Variants in BAHD1 observed in about 807,000 individuals in gnomAD.
BAHD1 encodes the protein bromo adjacent homology domain-containing 1 protein.
In BAHD1, 20 loss-of-function variants were observed where a neutral mutation model predicts 63.1. That is an observed-to-expected ratio of 0.32 (90% CI 0.22 to 0.46). The LOEUF (loss-of-function observed/expected upper bound fraction) is 0.46. Ranked by LOEUF, BAHD1 falls within the 20% of genes least tolerant of loss-of-function variation. The probability of loss-of-function intolerance (pLI) is 1.00; values close to 1 mark genes in which losing one functional copy is unlikely to be tolerated. For synonymous variants in BAHD1, 408 were observed against 426.8 expected (o/e 0.96, Z 0.54); for missense variants, 939 against 1,071.8 (o/e 0.88, Z 1.73).
intron 5 of BAHD1, 148 bp from the exon 6 acceptor site, chr15:40,465,187 G>A: frequency 1.5e-6 from 1 of 663,698 alleles, no homozygotes; most frequent in Non-Finnish European, 2.7e-6. Context: ...GGAGGCAGTA[G>A]GTGAGGCATA....
chr15:40,456,809 G>T (rs150993986), intron 1 of BAHD1, among the ~76,000 whole-genome samples: 1 of 152,244 alleles, frequency 6.6e-6, no homozygotes, highest in Non-Finnish European at 1.5e-5. Flanking sequence ...ACCTGGGCCC[G>T]CTGGGTGGGG....
At chr15:40,464,869 G>T (rs1261455435) in intron 5 of BAHD1, 4 of 422,740 alleles carry the variant, frequency 9.5e-6, no homozygotes, top group Non-Finnish European at 1.3e-5. Flanking sequence ...TGCATACCTG[G>T]TCACTTTTGG....
Position 40,461,261 on chromosome 15 carries a change from G to T in BAHD1, c.1433-651G>T, listed in dbSNP as rs573063306. Among the ~76,000 whole-genome samples, 3 of 152,270 alleles carry T rather than the reference G, an allele frequency of 2.0e-5. No homozygotes were observed. The East Asian group carries it at 5.8e-4, about 29-fold the overall frequency. On this transcript the variant is annotated intron_variant, in intron 2 of 6. Transcript: ENST00000416165. ...GTTGCTCTGAGGGGCAGAGTGACTT[G>T]CCTGAAGTCACATGGCTAGTAAGTG... is the stretch of plus-strand genomic sequence containing the variant.
In BAHD1 at chr15:40,465,982, G is replaced by C. The variant is rs775300992; in HGVS notation, c.2195G>C (p.Ser732Thr). The C allele has an allele frequency of 2.8e-5, 45 of 1,608,416 alleles. No homozygotes were observed. Among genetic ancestry groups the C allele is most frequent in the Non-Finnish European group, 3.6e-5 (42 of 1,177,444 alleles). ...AAGCGCCGAGGTGAAGGCCTCCCCA[G>C]CCGAAAGACAGCACTGGTTCCCCCC... Reference protein sequence around the residue: ...MAKRRGEGLPSRKTALVPPSA... With the variant: ...MAKRRGEGLPTRKTALVPPSA... The change falls in exon 7 of 7, where the codon AGC becomes ACC. Residue 732 changes from serine (S) to threonine (T), a missense_variant. By Grantham distance (58) the Ser-to-Thr change is moderately conservative. Coordinates refer to ENST00000416165, the MANE Select transcript of BAHD1 (RefSeq NM_014952.5).
chr15:40,455,243 T>A (rs919055724), intron 1 of BAHD1, among the ~76,000 whole-genome samples: 1 of 152,138 alleles, frequency 6.6e-6, no homozygotes, highest in Admixed American at 6.5e-5. Flanking sequence ...GATTTGGAAA[T>A]GTGACTCGCA....
At position 40,462,261 on chromosome 15, in the gene BAHD1, TG is replaced by T; in HGVS notation, c.1786del (p.Ala596LeufsTer24). The T allele has an allele frequency of 6.2e-7, 1 of 1,610,050 alleles. No homozygotes were observed. Among genetic ancestry groups the T allele is most frequent in the Non-Finnish European group, 8.5e-7 (1 of 1,178,024 alleles). On this transcript the variant is annotated frameshift_variant, in exon 3 of 7. Coordinates refer to ENST00000416165, the MANE Select transcript of BAHD1 (RefSeq NM_014952.5). LOFTEE classifies it high-confidence loss of function. Reference sequence around the variant, plus strand: ...GCCGCACTAATGGCTGGGTACCTGTTGGGGCTGCGTGTGAGAAGGCTGTGTA... The same window carrying T: ...GCCGCACTAATGGCTGGGTACCTGTTGGGCTGCGTGTGAGAAGGCTGTGTA... Reference protein sequence around the residue: ...RRRTNGWVPVGAACEKAVYVL... With the variant: ...RRRTNGWVPVXAACEKAVYVL...
rs1438666811 is a variant in BAHD1, at chr15:40,462,138, C to T, written c.1659C>T (p.Ser553=). The change falls in exon 3 of 7, where the codon TCC becomes TCT. Residue 553 remains serine, a synonymous_variant. Coordinates refer to ENST00000416165, the MANE Select transcript of BAHD1 (RefSeq NM_014952.5). Reference sequence around the variant, plus strand: ...CTAAGTCAGGTCTGCGCACAGGCTCCAGCTGCAGGCACACTGCAAGGAGCA... The same window carrying T: ...CTAAGTCAGGTCTGCGCACAGGCTCTAGCTGCAGGCACACTGCAAGGAGCA... ...SGSKSGLRTG[S]SCRHTARSKA... The T allele has an allele frequency of 6.2e-7, 1 of 1,612,204 alleles. No individual in the cohort carries two copies. Among genetic ancestry groups the T allele is most frequent in the Non-Finnish European group, 8.5e-7 (1 of 1,179,996 alleles).
chr15:40,462,968 TTTTAAAATTA>T (rs1396265433), intron 3 of BAHD1, among the ~76,000 whole-genome samples: 1 of 152,114 alleles, frequency 6.6e-6, no homozygotes, highest in Non-Finnish European at 1.5e-5. Context: ...AGACCCTGGC[TTTTAAAATTA>T]ATTAATTAAA....
intron 1 of BAHD1, among the ~76,000 whole-genome samples, chr15:40,457,244 G>A (rs1893875619): frequency 6.6e-6 from 1 of 152,166 alleles, no homozygotes; most frequent in African/African-American, 2.4e-5. Flanking sequence ...GGCCTTCAGG[G>A]GTTTAAAGCT....
chr15:40,459,346 G>T lies in BAHD1; in HGVS notation c.882G>T (p.Gln294His). The T allele has an allele frequency of 6.2e-7, 1 of 1,613,148 alleles. No individual in the cohort carries two copies. Among genetic ancestry groups the T allele is most frequent in the East Asian group, 2.2e-5 (1 of 44,872 alleles). ...PSATPCGPSV[Q>H]PSHQPLSKAL... ...CAACTCCTTGTGGGCCATCCGTCCA[G>T]CCATCTCATCAGCCCCTGAGCAAGG... The change falls in exon 2 of 7, where the codon CAG (glutamine) becomes CAT (histidine). Residue 294 changes from glutamine (Q) to histidine (H), a missense_variant. Physicochemically the swap from Gln to His is conservative, Grantham distance 24. Coordinates refer to ENST00000416165, the MANE Select transcript of BAHD1 (RefSeq NM_014952.5).
chr15:40,454,224 T>G (rs1445464690), intron 1 of BAHD1: 3 of 152,220 alleles, frequency 2.0e-5, no homozygotes, highest in African/African-American at 7.2e-5. Context: ...CAGCACCCCG[T>G]GCTCCCCTGG....
Position 40,441,121 on chromosome 15 carries a change from C to G in BAHD1, c.-162C>G, listed in dbSNP as rs1360036670. On this transcript the variant is annotated 5_prime_UTR_variant, in exon 1 of 7. Coordinates refer to ENST00000416165, the MANE Select transcript of BAHD1 (RefSeq NM_014952.5). ...GCCCGGCCGCGGTCCCCGCTCCGCC[C>G]GCCCGGCCCCGGCCCCCAGGAGGAG... The G allele has an allele frequency of 6.7e-6, 1 of 148,752 alleles. No homozygotes were observed. The highest frequency in any genetic ancestry group is 1.9e-4 in the South Asian group (1 of 5,218). The allele number at this position is 148,752 out of a possible 1,614,324, so 9.2% of individuals were successfully genotyped here.
chr15:40,459,617 C>A lies in BAHD1; in HGVS notation c.1153C>A (p.Gln385Lys). ...ALGSFYLYCG[Q>K]EGLQCGGYSP... ...AGGCAGCTTCTACCTGTACTGTGGC[C>A]AAGAGGGGCTGCAGTGTGGGGGCTA... The change falls in exon 2 of 7, where the codon CAA (glutamine) becomes AAA (lysine). Residue 385 changes from glutamine (Q) to lysine (K), a missense_variant. Physicochemically the swap from Gln to Lys is moderately conservative, Grantham distance 53. Around this residue, in one of 5 missense-constraint regions of BAHD1, gnomAD observed 797 missense variants for 813.3 expected, o/e 0.98. Transcript: ENST00000416165. 3 of 1,614,156 alleles carry A rather than the reference C, an allele frequency of 1.9e-6. No homozygotes were observed. The highest frequency in any genetic ancestry group is 2.5e-6 in the Non-Finnish European group (3 of 1,180,028).
At chr15:40,446,068 G>T (rs984704416) in intron 1 of BAHD1, among the ~76,000 whole-genome samples, 1 of 152,258 alleles carries the variant, frequency 6.6e-6, no homozygotes, top group South Asian at 2.1e-4. Context: ...GACCCCTCAG[G>T]CTGCTTAGAC....
At chr15:40,462,799 C>T (rs2141544913) in intron 3 of BAHD1, among the ~76,000 whole-genome samples, 1 of 152,066 alleles carries the variant, frequency 6.6e-6, no homozygotes, top group South Asian at 2.1e-4. Flanking sequence ...TCAAGACGAG[C>T]CTGAGCAATA....
intron 1 of BAHD1, among the ~76,000 whole-genome samples, chr15:40,447,801 C>T (rs1482506710): frequency 1.3e-5 from 2 of 152,048 alleles, no homozygotes; most frequent in African/African-American, 4.8e-5. Context: ...GGAATTTCAC[C>T]TGAGACAAGA....
chr15:40,459,334 G>C lies in BAHD1; in HGVS notation c.870G>C (p.Gly290=). 6.2e-7 allele frequency: 1 copy of C among 1,613,078 alleles called. No individual in the cohort carries two copies. Among genetic ancestry groups the C allele is most frequent in the Non-Finnish European group, 8.5e-7 (1 of 1,179,994 alleles). Residue 290 remains glycine (G), a synonymous_variant, in exon 2 of 7, where the codon GGG becomes GGC. Coordinates refer to ENST00000416165, the MANE Select transcript of BAHD1 (RefSeq NM_014952.5). ...CATGGCCATCTGCAACTCCTTGTGG[G>C]CCATCCGTCCAGCCATCTCATCAGC... The part of the protein sequence containing the change: ...DEPWPSATPC[G]PSVQPSHQPL...
At chr15:40,464,211 T>TCAG (rs1175211000) in intron 4 of BAHD1, 191 bp downstream of exon 4, 16 of 734,588 alleles carry the variant, frequency 2.2e-5, no homozygotes, top group Non-Finnish European at 3.5e-5. Context: ...TTGGGTTGGA[T>TCAG]CAGCTCATTA....
In BAHD1 at chr15:40,458,735, G is replaced by A; in HGVS notation, c.271G>A (p.Glu91Lys). 1 of 1,613,480 alleles carries A rather than the reference G, an allele frequency of 6.2e-7. No homozygotes were observed. Among genetic ancestry groups the A allele is most frequent in the Non-Finnish European group, 8.5e-7 (1 of 1,180,026 alleles). ...TCCCCGGAGTGCAGATGAGGCTGAT[G>A]AGCTACCGCCTGACCTGCCCAAGCC... ...AGPRSADEAD[E>K]LPPDLPKPPS... The change falls in exon 2 of 7, where the codon GAG (glutamate) becomes AAG (lysine). Residue 91 changes from glutamate to lysine, a missense_variant. By Grantham distance (56) the Glu-to-Lys change is moderately conservative. Coordinates refer to ENST00000416165, the MANE Select transcript of BAHD1 (RefSeq NM_014952.5). This position sits in a 1 kb window ranked among gnomAD's most constrained non-coding sequence, Gnocchi z 4.7.
Sources: gnomAD v4.1 joint callset for allele counts (sites outside exome capture counted in the v4.1 genomes callset) on GRCh38, gnomAD v4.1.1 for gene constraint, gnomAD v4.1.1 regional missense constraint, Gnocchi (gnomAD v3.1) non-coding constraint, MANE v1.5 for transcripts, NCBI Gene and HGNC (gene_info 2026-07-23, HGNC 2026-07-21) for gene names.